LRBA: variants seen among roughly 807,000 people sequenced by gnomAD.
LRBA encodes LPS responsive beige-like anchor protein, also known as lipopolysaccharide-responsive and beige-like anchor protein.
Under a neutral mutation model 330.0 loss-of-function variants are expected in LRBA, and 176 were observed. That is an observed-to-expected ratio of 0.53 (90% CI 0.47 to 0.60). The LOEUF (loss-of-function observed/expected upper bound fraction) is 0.60, where lower values mean the gene tolerates loss of function less well. Among genes scored for constraint, LRBA ranks in the 20% least tolerant of loss-of-function variants. The probability of loss-of-function intolerance (pLI) is 0.00; values close to 1 mark genes in which losing one functional copy is unlikely to be tolerated. For synonymous variants in LRBA, 1,230 were observed against 1,193.0 expected (o/e 1.03, Z -0.64); for missense variants, 3,259 against 3,444.8 (o/e 0.95, Z 1.35).
intron 34 of LRBA, among the ~76,000 whole-genome samples, chr4:150,786,191 G>A (rs2126618933): frequency 6.6e-6 from 1 of 151,638 alleles, no homozygotes; most frequent in South Asian, 2.1e-4. Flanking sequence ...TAACATCACT[G>A]TTGTAGACCC....
chr4:150,923,732 T>C (rs1354179606), intron 4 of LRBA, among the ~76,000 whole-genome samples: 1 of 152,194 alleles, frequency 6.6e-6, no homozygotes, highest in Non-Finnish European at 1.5e-5. Flanking sequence ...TTAATCAGTT[T>C]ATAACCAAAT....
chr4:150,754,078 A>C (rs1041471311), intron 35 of LRBA, among the ~76,000 whole-genome samples: 7 of 152,060 alleles, frequency 4.6e-5, no homozygotes, highest in African/African-American at 1.4e-4. Flanking sequence ...AAAAAAAAAA[A>C]AAGTAACCAT....
chr4:150,330,820 T>TA (rs1434381055), intron 48 of LRBA, among the ~76,000 whole-genome samples: 2 of 152,140 alleles, frequency 1.3e-5, no homozygotes, highest in East Asian at 3.9e-4. Context: ...ACATAGTATT[T>TA]AGACAACAAA....
At chr4:150,647,645 C>T (rs1779289872) in intron 37 of LRBA, among the ~76,000 whole-genome samples, 1 of 151,828 alleles carries the variant, frequency 6.6e-6, no homozygotes, top group South Asian at 2.1e-4. Context: ...GCAATTTTCC[C>T]ACCTCCTTAA....
At chr4:150,415,034 T>C (rs1464092526) in intron 47 of LRBA, among the ~76,000 whole-genome samples, 2 of 152,196 alleles carry the variant, frequency 1.3e-5, no homozygotes, top group Admixed American at 6.5e-5. Context: ...CTTCAAATGA[T>C]AGATACAGGA....
intron 40 of LRBA, among the ~76,000 whole-genome samples, chr4:150,508,063 A>C (rs1396489495): frequency 1.8e-5 from 2 of 112,996 alleles, no homozygotes; most frequent in African/African-American, 3.5e-5. Flanking sequence ...GAACATCACA[A>C]ACCGGGGACT....
At chr4:150,382,622 CAAAAAAA>C (rs112630500) in intron 47 of LRBA, among the ~76,000 whole-genome samples, 6 of 111,488 alleles carry the variant, frequency 5.4e-5, no homozygotes, top group Non-Finnish European at 9.4e-5. Context: ...GACTCTGTTT[CAAAAAAA>C]AAAAAAAAGA....
At chr4:150,715,156 T>C (rs556244477) in intron 36 of LRBA, among the ~76,000 whole-genome samples, 4 of 152,290 alleles carry the variant, frequency 2.6e-5, no homozygotes, top group African/African-American at 9.6e-5. Context: ...GATAAATTTA[T>C]ACCCAACCAC....
At chr4:150,928,663 T>G (rs1561018738) in intron 3 of LRBA, 47 bp from the exon 4 acceptor site, 2 of 1,476,476 alleles carry the variant, frequency 1.4e-6, no homozygotes, top group Non-Finnish European at 1.9e-6. Context: ...GTTATATTTC[T>G]CGAATATTTA....
In LRBA at chr4:150,819,916, G is replaced by A. The variant is rs558394654; in HGVS notation, c.5172-2659C>T. Among the ~76,000 whole-genome samples, 4 of 152,080 alleles carry A rather than the reference G, an allele frequency of 2.6e-5. No individual in the cohort carries two copies. In the East Asian group the frequency reaches 7.7e-4, roughly 29 times the overall value. ...AGATCAGAAGTACGGCTTTCTACAT[G>A]AATTTACATTTTACATGTTCCTCAC... On this transcript the variant is annotated intron_variant, in intron 30 of 56. Transcript: ENST00000651943.
chr4:150,341,467 C>T (rs1028252870), intron 48 of LRBA, among the ~76,000 whole-genome samples: 1 of 152,100 alleles, frequency 6.6e-6, no homozygotes, highest in African/African-American at 2.4e-5. Flanking sequence ...CTTGCCTGGC[C>T]TATCACCAAC....
At chr4:150,539,860 G>T (rs1377170718) in intron 40 of LRBA, among the ~76,000 whole-genome samples, 3 of 152,042 alleles carry the variant, frequency 2.0e-5, no homozygotes, top group Admixed American at 6.5e-5. Flanking sequence ...TATTTTATCA[G>T]AAATAAAATT....
intron 2 of LRBA, among the ~76,000 whole-genome samples, chr4:150,956,071 A>G (rs1737520048): frequency 6.7e-6 from 1 of 149,166 alleles, no homozygotes; most frequent in African/African-American, 2.6e-5. Context: ...TAAAATCAAT[A>G]CAACCTGGCT....
chr4:150,310,151 C>T (rs1560995127), intron 52 of LRBA, 78 bp downstream of exon 52: 17 of 930,588 alleles, frequency 1.8e-5, no homozygotes, highest in South Asian at 3.5e-5. Flanking sequence ...TGGAAGGAAG[C>T]AGATAAGAAT....
intron 47 of LRBA, among the ~76,000 whole-genome samples, chr4:150,403,805 T>A (rs1391426703): frequency 6.6e-6 from 1 of 152,054 alleles, no homozygotes; most frequent in Non-Finnish European, 1.5e-5. Context: ...GCAGATCATT[T>A]GAGGTCAGGA....
chr4:150,839,580 C>T (rs1164532420), intron 28 of LRBA, among the ~76,000 whole-genome samples: 2 of 152,176 alleles, frequency 1.3e-5, no homozygotes, highest in Non-Finnish European at 2.9e-5. Flanking sequence ...AGTTTATATC[C>T]TTTGTAGGGA....
intron 30 of LRBA, among the ~76,000 whole-genome samples, chr4:150,827,873 A>AT (rs1340957276): frequency 6.6e-6 from 1 of 152,066 alleles, no homozygotes; most frequent in Non-Finnish European, 1.5e-5. Context: ...AAATGCTGGG[A>AT]TTACAGATGT....
chr4:150,899,062 T>C (rs1455400580), intron 14 of LRBA, among the ~76,000 whole-genome samples: 1 of 152,214 alleles, frequency 6.6e-6, no homozygotes, highest in Non-Finnish European at 1.5e-5. Context: ...GCAACAGCTC[T>C]TAATTTTTAC....
intron 3 of LRBA, 40 bp downstream of exon 3, chr4:150,928,794 T>G (rs756659250): frequency 2.0e-6 from 3 of 1,501,158 alleles, no homozygotes; most frequent in Non-Finnish European, 2.8e-6. Context: ...AAATCAAACT[T>G]TATTTCTTTG....
Sources: allele counts gnomAD v4.1 joint callset (sites outside exome capture counted in the v4.1 genomes callset), GRCh38; gene constraint gnomAD v4.1.1; transcripts MANE v1.5; gene names NCBI Gene and HGNC (gene_info 2026-07-23, HGNC 2026-07-21).